BRD10: variants seen among roughly 807,000 people sequenced by gnomAD.
BRD10 encodes bromodomain containing 10.
At chr9:5,966,486 G>C in the BRD10 span, among the ~76,000 whole-genome samples, 3 of 99,204 alleles carry the variant, frequency 3.0e-5, no homozygotes, top group Admixed American at 3.1e-4. Context: ...TTGAGACAGA[G>C]TCTTGCTCTG....
chr9:6,008,315 G>T, the BRD10 span: 18 of 984,990 alleles, frequency 1.8e-5, no homozygotes, highest in Non-Finnish European at 1.9e-5. Context: ...GGCGGTGCAC[G>T]GACGGGGCCC....
At chr9:5,981,665 T>C in the BRD10 span, among the ~76,000 whole-genome samples, 1 of 152,210 alleles carries the variant, frequency 6.6e-6, no homozygotes, top group African/African-American at 2.4e-5. Context: ...TATCCATCTC[T>C]GTGTCCATCC....
At chr9:5,924,949 T>C in the BRD10 span, 1 of 827,822 alleles carries the variant, frequency 1.2e-6, no homozygotes, top group Non-Finnish European at 1.7e-6. Context: ...TATTTTTTAT[T>C]AAGTCACTAG....
the BRD10 span, among the ~76,000 whole-genome samples, chr9:5,926,881 C>A: frequency 6.6e-6 from 1 of 152,032 alleles, no homozygotes; most frequent in Non-Finnish European, 1.5e-5. Context: ...TTACTTATTA[C>A]AAATGAGAAT....
At chr9:5,903,403 T>G in the BRD10 span, among the ~76,000 whole-genome samples, 3 of 152,240 alleles carry the variant, frequency 2.0e-5, no homozygotes, top group African/African-American at 7.2e-5. Flanking sequence ...ATTGTTAGGT[T>G]TGATTTGCTA....
chr9:5,921,976 A>T, the BRD10 span: 1 of 1,614,004 alleles, frequency 6.2e-7, no homozygotes. Context: ...TAGATGTAGT[A>T]GTTGTTCCAG....
chr9:5,940,219 G>A, the BRD10 span, among the ~76,000 whole-genome samples: 1 of 152,038 alleles, frequency 6.6e-6, no homozygotes, highest in Admixed American at 6.5e-5. Context: ...TGTCGCCCAG[G>A]CTGGAGTGCA....
chr9:5,883,134 T>C, the BRD10 span, among the ~76,000 whole-genome samples: 1 of 150,224 alleles, frequency 6.7e-6, no homozygotes, highest in African/African-American at 2.5e-5. Flanking sequence ...GCTGTGCACA[T>C]GTACCCTAGA....
At chr9:5,924,775 A>G in the BRD10 span, 2 of 1,601,706 alleles carry the variant, frequency 1.2e-6, no homozygotes, top group Non-Finnish European at 1.7e-6. Context: ...TCAGTGGTCC[A>G]TAGTTCTCTA....
At chr9:5,941,394 A>C in the BRD10 span, among the ~76,000 whole-genome samples, 2 of 152,206 alleles carry the variant, frequency 1.3e-5, no homozygotes, top group Non-Finnish European at 2.9e-5. Flanking sequence ...GCTATCATGT[A>C]AATAATGATG....
At chr9:5,954,194 A>G in the BRD10 span, 1 of 673,644 alleles carries the variant, frequency 1.5e-6, no homozygotes, top group Non-Finnish European at 2.6e-6. Flanking sequence ...ATTGTAACTA[A>G]CAGATGGCTG....
the BRD10 span, chr9:6,007,235 G>C: frequency 1.2e-6 from 2 of 1,613,808 alleles, no homozygotes; most frequent in Non-Finnish European, 8.5e-7. Flanking sequence ...ATCATCTCCA[G>C]CTTCTGGCCC....
chr9:5,969,646 C>G, the BRD10 span, among the ~76,000 whole-genome samples: 1 of 152,130 alleles, frequency 6.6e-6, no homozygotes, highest in African/African-American at 2.4e-5. Flanking sequence ...CGGGTTCAAG[C>G]AATTCTCCTG....
At chr9:5,908,759 G>A in the BRD10 span, 2 of 1,544,234 alleles carry the variant, frequency 1.3e-6, no homozygotes, top group South Asian at 2.2e-5. Context: ...TCACACTTTT[G>A]CTTGAATTTA....
chr9:5,904,611 T>G, the BRD10 span, among the ~76,000 whole-genome samples: 1 of 152,046 alleles, frequency 6.6e-6, no homozygotes, highest in South Asian at 2.1e-4. Flanking sequence ...TAGCTGAGAT[T>G]AAAGGTGCAT....
the BRD10 span, among the ~76,000 whole-genome samples, chr9:5,959,633 T>C: frequency 1.3e-5 from 2 of 152,192 alleles, no homozygotes; most frequent in African/African-American, 4.8e-5. Context: ...CTAAAAGTTT[T>C]CTCCGTAAGA....
At chr9:5,924,022 C>T in the BRD10 span, among the ~76,000 whole-genome samples, 1 of 152,128 alleles carries the variant, frequency 6.6e-6, no homozygotes, top group African/African-American at 2.4e-5. Flanking sequence ...ATGATGTGTT[C>T]ATTCTGGTCT....
At chr9:5,940,597 T>C in the BRD10 span, among the ~76,000 whole-genome samples, 2 of 152,306 alleles carry the variant, frequency 1.3e-5, no homozygotes, top group East Asian at 1.9e-4. Flanking sequence ...TATTGTTTAG[T>C]TAGTCACCTC....
chr9:5,912,563 G>C, the BRD10 span, among the ~76,000 whole-genome samples: 2 of 152,198 alleles, frequency 1.3e-5, no homozygotes, highest in Non-Finnish European at 2.9e-5. Flanking sequence ...AGACCCTTCA[G>C]TGTTCTGTAA....
Sources: allele counts gnomAD v4.1 joint callset (sites outside exome capture counted in the v4.1 genomes callset), GRCh38; gene constraint gnomAD v4.1.1; transcripts MANE v1.5; gene names NCBI Gene and HGNC (gene_info 2026-07-23, HGNC 2026-07-21).